CEP152: variants seen among roughly 807,000 people sequenced by gnomAD.
The protein encoded by CEP152 is centrosomal protein 152.
CEP152 carries 132 observed loss-of-function variants against 188.9 expected under a neutral mutation model. The observed-to-expected ratio is 0.70, with a 90% confidence interval of 0.61 to 0.81. The LOEUF (loss-of-function observed/expected upper bound fraction) is 0.81. CEP152 is among the 30% of genes least tolerant of loss of function. CEP152 has a pLI of 0.00. For synonymous variants in CEP152, 649 were observed against 666.6 expected (o/e 0.97, Z 0.41); for missense variants, 1,914 against 1,969.8 (o/e 0.97, Z 0.54).
intron 2 of CEP152, among the ~76,000 whole-genome samples, chr15:48,804,871 A>G (rs1054044300): frequency 6.6e-6 from 1 of 152,200 alleles, no homozygotes; most frequent in Non-Finnish European, 1.5e-5. Flanking sequence ...ACTGGCTCAT[A>G]TATACCCAAT....
At chr15:48,783,619 T>G (rs941711543) in intron 10 of CEP152, among the ~76,000 whole-genome samples, 1 of 151,982 alleles carries the variant, frequency 6.6e-6, no homozygotes, top group Non-Finnish European at 1.5e-5. Context: ...GTACATTCAT[T>G]TCATTTGAAG....
At chr15:48,754,857 T>C (rs1894145184) in intron 20 of CEP152, among the ~76,000 whole-genome samples, 1 of 152,186 alleles carries the variant, frequency 6.6e-6, no homozygotes, top group Non-Finnish European at 1.5e-5. Context: ...TCATCGAATA[T>C]GGAACTGAAA....
downstream of CEP152, among the ~76,000 whole-genome samples, chr15:48,734,095 C>G (rs1348836041): frequency 6.6e-6 from 1 of 151,866 alleles, no homozygotes; most frequent in East Asian, 1.9e-4. Flanking sequence ...ATTACTACGT[C>G]AGTAAATATA....
intron 18 of CEP152, 91 bp downstream of exon 18, chr15:48,762,300 G>A (rs1460027303): frequency 1.6e-6 from 2 of 1,220,850 alleles, no homozygotes; most frequent in Non-Finnish European, 2.4e-6. Context: ...AAAGTATAAA[G>A]TTATGAACGA....
At chr15:48,730,140 C>A (rs2140522110) in intron 2 of CEP152, among the ~76,000 whole-genome samples, 1 of 152,222 alleles carries the variant, frequency 6.6e-6, no homozygotes, top group South Asian at 2.1e-4. Context: ...GCGTTCTTAC[C>A]AGGGGCTGCT....
chr15:48,777,679 G>C (rs540423769), intron 12 of CEP152, among the ~76,000 whole-genome samples: 4 of 152,022 alleles, frequency 2.6e-5, no homozygotes, highest in Non-Finnish European at 5.9e-5. Flanking sequence ...TTCCATTGAA[G>C]TAGAAAATAT....
chr15:48,765,577 G>T (rs1461947181), intron 17 of CEP152: 1 of 408,620 alleles, frequency 2.4e-6, no homozygotes, highest in South Asian at 1.8e-5. Flanking sequence ...TCTATTAAAA[G>T]TATCAGAAAA....
intron 9 of CEP152, among the ~76,000 whole-genome samples, chr15:48,785,046 C>T (rs1237543857): frequency 6.6e-6 from 1 of 151,934 alleles, no homozygotes; most frequent in African/African-American, 2.4e-5. Flanking sequence ...CTGAAATTAC[C>T]CAAGAAAACC....
At chr15:48,777,674 T>C (rs889883843) in intron 12 of CEP152, among the ~76,000 whole-genome samples, 4 of 152,216 alleles carry the variant, frequency 2.6e-5, no homozygotes, top group Admixed American at 6.5e-5. Flanking sequence ...TCTATTTCCA[T>C]TGAAGTAGAA....
At chr15:48,785,858 A>C (rs978091978) in intron 9 of CEP152, among the ~76,000 whole-genome samples, 7 of 151,584 alleles carry the variant, frequency 4.6e-5, no homozygotes, top group Non-Finnish European at 1.0e-4. Flanking sequence ...AATGATAAAG[A>C]GATGACGGCT....
At chr15:48,794,389 T>C (rs1022236567) in intron 6 of CEP152, among the ~76,000 whole-genome samples, 1 of 152,220 alleles carries the variant, frequency 6.6e-6, no homozygotes, top group African/African-American at 2.4e-5. Flanking sequence ...TTTTAACCAC[T>C]TGCTAACTAA....
At chr15:48,786,721 C>T (rs561334457) in intron 9 of CEP152, among the ~76,000 whole-genome samples, 2 of 152,218 alleles carry the variant, frequency 1.3e-5, no homozygotes, top group East Asian at 1.9e-4. Flanking sequence ...AGGCAAAGAA[C>T]GTAACAGTGG....
intron 2 of CEP152, among the ~76,000 whole-genome samples, chr15:48,801,464 C>T (rs1897663921): frequency 6.6e-6 from 1 of 152,206 alleles, no homozygotes; most frequent in South Asian, 2.1e-4. Context: ...CACCTGCTAC[C>T]TAAACCATCT....
intron 17 of CEP152, 107 bp downstream of exon 17, chr15:48,766,953 G>T: frequency 7.1e-7 from 1 of 1,415,626 alleles, no homozygotes; most frequent in Non-Finnish European, 9.9e-7. Flanking sequence ...GAGAACATAT[G>T]AATACCTTCT....
rs766554400 is a variant in CEP152, at chr15:48,793,414, C to T, written c.739G>A (p.Ala247Thr). Residue 247 changes from alanine (A) to threonine (T), a missense_variant, in exon 7 of 27, where the codon GCA becomes ACA. Transcript: ENST00000380950. ...QIIQLQVLNKAKERQLENLIE... is the reference protein window; with the variant it reads ...QIIQLQVLNKTKERQLENLIE... ...AAGTTCTCCAGTTGTCTCTCTTTTG[C>T]TTTGTTAAGAACCTGAAGTTGAATA... 5.6e-6 allele frequency: 9 copies of T among 1,613,902 alleles called. No individual in the cohort carries two copies. The highest frequency in any genetic ancestry group is 7.6e-6 in the Non-Finnish European group (9 of 1,179,932).
At chr15:48,769,133 C>G (rs1411294951) in intron 13 of CEP152, 52 bp from the exon 14 acceptor site, 10 of 1,463,050 alleles carry the variant, frequency 6.8e-6, no homozygotes, top group Non-Finnish European at 9.5e-6. Context: ...TTCTAAGTTT[C>G]ACTTTGAAAT....
chr15:48,798,837 T>C (rs1897494783), intron 2 of CEP152, among the ~76,000 whole-genome samples: 1 of 152,174 alleles, frequency 6.6e-6, no homozygotes, highest in South Asian at 2.1e-4. Flanking sequence ...GATGAGTAAA[T>C]AAGCTAGTCT....
chr15:48,768,118 ATCAC>A, intron 15 of CEP152, 97 bp downstream of exon 15: 1 of 756,340 alleles, frequency 1.3e-6, no homozygotes, highest in Non-Finnish European at 2.4e-6. Context: ...CAGGGTAGAA[ATCAC>A]TCAATCATTT....
Position 48,782,193 on chromosome 15 carries a change from CAGCTGGAACTGT to C in CEP152, c.1347_1358del (p.Phe451_Gln454del), listed in dbSNP as rs781306128. 5.0e-6 allele frequency: 8 copies of C among 1,613,904 alleles called. No individual in the cohort carries two copies. The South Asian group carries it at 8.8e-5, about 18-fold the overall frequency. On this transcript the variant is annotated inframe_deletion, in exon 11 of 27. Transcript: ENST00000380950. ...TAGCATGTGCCTTCTGTGCTTGCTG[CAGCTGGAACTGT>C]AGCTGAGCCACCTCTTGTACTGACC...
Sources: gnomAD v4.1 joint callset for allele counts (sites outside exome capture counted in the v4.1 genomes callset) on GRCh38, gnomAD v4.1.1 for gene constraint, MANE v1.5 for transcripts, NCBI Gene and HGNC (gene_info 2026-07-23, HGNC 2026-07-21) for gene names.